Variants in CHODL observed in about 807,000 individuals in gnomAD.
CHODL encodes chondrolectin.
A neutral mutation model predicts 34.5 loss-of-function variants in CHODL; 29 were observed. That is an observed-to-expected ratio of 0.84 (90% CI 0.63 to 1.15). The LOEUF (loss-of-function observed/expected upper bound fraction) is 1.15, where lower values mean the gene tolerates loss of function less well. CHODL is among the 50% of genes most tolerant of loss of function. The pLI is 0.00. For synonymous variants in CHODL, 125 were observed against 116.1 expected, an observed-to-expected ratio of 1.08 and a Z score of -0.49; for missense variants, 332 against 332.5, an observed-to-expected ratio of 1.00 and a Z score of 0.01.
intron 1 of CHODL, among the ~76,000 whole-genome samples, chr21:17,967,031 C>T (rs938327363): frequency 4.0e-5 from 6 of 151,854 alleles, no homozygotes; most frequent in African/African-American, 1.2e-4. Context: ...ATTACAGGCA[C>T]CCACCACCAT....
chr21:17,949,125 C>T (rs976063142), intron 1 of CHODL, among the ~76,000 whole-genome samples: 8 of 152,100 alleles, frequency 5.3e-5, no homozygotes, highest in Non-Finnish European at 1.2e-4. Flanking sequence ...CAATATTGAC[C>T]TGCTAGCTAC....
rs867685135 is a variant in CHODL, at chr21:17,938,440, A to G, written c.-145+21040A>G. 2.7e-5 allele frequency among the ~76,000 whole-genome samples: 4 copies of G among 148,728 alleles called. 1 individual carries two copies. The highest frequency in any genetic ancestry group is 7.3e-3 in the Middle Eastern group (2 of 274). ...GTGCTTATGAACTCCGATTTTAAAT[A>G]AAATTAGTGGAAACCCACATTCTTT... On this transcript the variant is annotated intron_variant, in intron 1 of 6. Coordinates refer to the CHODL transcript ENST00000400127.
chr21:18,107,168 T>A (rs976848083), intron 2 of CHODL, among the ~76,000 whole-genome samples: 1 of 152,210 alleles, frequency 6.6e-6, no homozygotes, highest in African/African-American at 2.4e-5. Context: ...AGTTTGCCTA[T>A]TGTTTACAGG....
chr21:18,086,563 G>T (rs552294149), intron 2 of CHODL, among the ~76,000 whole-genome samples: 1 of 152,014 alleles, frequency 6.6e-6, no homozygotes, highest in Admixed American at 6.6e-5. Context: ...CTTTAATTTT[G>T]TGTGACTTAT....
In CHODL at chr21:18,256,490, A is replaced by G. The variant is rs1299053898; in HGVS notation, c.80-19A>G. 2.0e-6 allele frequency: 3 copies of G among 1,494,780 alleles called. No individual in the cohort carries two copies. Among genetic ancestry groups the G allele is most frequent in the African/African-American group, 1.5e-5 (1 of 68,800 alleles). 92.6% of individuals were successfully genotyped at this position (1,494,780 alleles called of 1,614,324 possible). A position where few individuals can be genotyped will look rare whatever the true frequency, so the allele number is the denominator to read the frequency against. ...GAGTTCCGATTATCAATATATGGGCATCTTTTTTTTTTTTTCAGGCCAAAA... is the reference window on the plus strand; with the variant it reads ...GAGTTCCGATTATCAATATATGGGCGTCTTTTTTTTTTTTTCAGGCCAAAA... On this transcript the variant is annotated intron_variant, in intron 1 of 5. Coordinates refer to ENST00000299295, the MANE Select transcript of CHODL (RefSeq NM_024944.3).
chr21:18,015,125 G>A (rs1402546154), intron 1 of CHODL, among the ~76,000 whole-genome samples: 2 of 152,110 alleles, frequency 1.3e-5, no homozygotes, highest in Non-Finnish European at 2.9e-5. Context: ...ATGGTGATAT[G>A]GTTTGGCTCT....
At position 18,173,718 on chromosome 21, in the gene CHODL, T is replaced by A. The variant is rs147545697; in HGVS notation, c.-44-82791T>A. On this transcript the variant is annotated intron_variant, in intron 2 of 6. Transcript: ENST00000400127. ...CATTGGTCTTCTTCCAATGTAAATA[T>A]ATTTTCTTGCTACGGGATGAGAAAA... Among the ~76,000 whole-genome samples, 3 of 152,242 alleles carry A rather than the reference T, an allele frequency of 2.0e-5. No individual in the cohort carries two copies. The East Asian group carries it at 5.8e-4, about 29-fold the overall frequency.
intron 2 of CHODL, among the ~76,000 whole-genome samples, chr21:18,110,930 T>C (rs998515556): frequency 4.6e-5 from 7 of 152,292 alleles, no homozygotes; most frequent in Non-Finnish European, 1.0e-4. Context: ...ATAAGCCTCC[T>C]CAGTTACTCT....
chr21:18,063,948 T>C (rs1209045737), intron 2 of CHODL, among the ~76,000 whole-genome samples: 1 of 152,176 alleles, frequency 6.6e-6, no homozygotes, highest in Non-Finnish European at 1.5e-5. Context: ...TGCTTGTCAC[T>C]AAAGTTCATT....
intron 4 of CHODL, 33 bp downstream of exon 4, chr21:18,260,319 G>C: frequency 2.3e-6 from 3 of 1,331,668 alleles, no homozygotes; most frequent in Non-Finnish European, 2.1e-6. Context: ...ACTTCATCAA[G>C]AACTGAACTG....
At chr21:18,209,923 C>T (rs7276198) in intron 2 of CHODL, among the ~76,000 whole-genome samples, 23,189 of 152,042 alleles carry the variant, frequency 0.15, 2,248 homozygotes, top group African/African-American at 0.27. Flanking sequence ...TTATTCTTCT[C>T]TCTCCTTTTC....
At chr21:18,263,004 T>A in intron 5 of CHODL, 111 bp downstream of exon 5, 1 of 638,466 alleles carries the variant, frequency 1.6e-6, no homozygotes. Flanking sequence ...CCTTAAGAAA[T>A]CCTATACATA....
At chr21:18,071,560 A>T (rs1218961589) in intron 2 of CHODL, among the ~76,000 whole-genome samples, 1 of 152,042 alleles carries the variant, frequency 6.6e-6, no homozygotes, top group Non-Finnish European at 1.5e-5. Context: ...TCTACCCTCT[A>T]CACAGCTCCC....
chr21:17,932,988 G>A (rs894205818), intron 1 of CHODL, among the ~76,000 whole-genome samples: 1 of 152,094 alleles, frequency 6.6e-6, no homozygotes, highest in Non-Finnish European at 1.5e-5. Flanking sequence ...GTGAGGGAAG[G>A]TCTCTGCATC....
intron 1 of CHODL, among the ~76,000 whole-genome samples, chr21:17,917,692 C>A (rs1291508782): frequency 6.6e-6 from 1 of 152,124 alleles, no homozygotes; most frequent in East Asian, 1.9e-4. Flanking sequence ...TTGGCCAAAC[C>A]CAACAGAAGC....
chr21:18,231,213 T>G (rs1471616827), intron 2 of CHODL, among the ~76,000 whole-genome samples: 2 of 152,094 alleles, frequency 1.3e-5, no homozygotes, highest in Non-Finnish European at 1.5e-5. Context: ...CAATAAACAT[T>G]TTGACAAGGT....
chr21:18,190,559 A>C (rs2073498936), intron 2 of CHODL, among the ~76,000 whole-genome samples: 1 of 152,236 alleles, frequency 6.6e-6, no homozygotes, highest in African/African-American at 2.4e-5. Flanking sequence ...AAAAAGGCTC[A>C]GGAAGCACAT....
In CHODL at chr21:18,245,294, T is replaced by A. The variant is rs1056940284; in HGVS notation, c.71T>A (p.Val24Glu). 8 of 1,523,516 alleles carry A rather than the reference T, an allele frequency of 5.3e-6. No homozygotes were observed. In the African/African-American group the frequency reaches 1.1e-4, roughly 22 times the overall value. 94.4% of individuals were successfully genotyped at this position (1,523,516 alleles called of 1,614,324 possible). Residue 24 changes from valine to glutamate, a missense_variant, in exon 1 of 6, where the codon GTG becomes GAG. By Grantham distance (121) the Val-to-Glu change is moderately radical. Coordinates refer to ENST00000299295, the MANE Select transcript of CHODL (RefSeq NM_024944.3). ...LCGHGAFCRRVVSGQKVCFAD... is the reference protein window; with the variant it reads ...LCGHGAFCRREVSGQKVCFAD... ...GGCCACGGAGCCTTCTGCCGCCGCGTGGTCAGCGGTGAGTCAGGGGCCGTC... is the reference window on the plus strand; with the variant it reads ...GGCCACGGAGCCTTCTGCCGCCGCGAGGTCAGCGGTGAGTCAGGGGCCGTC...
rs946510060 is a variant in CHODL at position 18,053,969 on chromosome 21, A to T, written c.-45+25998A>T. ...TATCACATATAAAATCACATATATC[A>T]CACCTTATATGACATATATGACATG... On this transcript the variant is annotated intron_variant, in intron 2 of 6. Transcript: ENST00000400127. 4.6e-5 allele frequency among the ~76,000 whole-genome samples: 7 copies of T among 151,894 alleles called. No homozygotes were observed. In the East Asian group the frequency reaches 1.4e-3, roughly 29 times the overall value.
Sources: gnomAD v4.1 joint callset for allele counts (sites outside exome capture counted in the v4.1 genomes callset) on GRCh38, gnomAD v4.1.1 for gene constraint, MANE v1.5 for transcripts, NCBI Gene and HGNC (gene_info 2026-07-23, HGNC 2026-07-21) for gene names.